MLXIPL: variants seen among roughly 807,000 people sequenced by gnomAD.
MLXIPL encodes carbohydrate-responsive element-binding protein.
A neutral mutation model predicts 81.5 loss-of-function variants in MLXIPL; 49 were observed. That is an observed-to-expected ratio of 0.60 (90% CI 0.48 to 0.76). MLXIPL has a LOEUF of 0.76. Ranked by LOEUF, MLXIPL falls within the 30% of genes least tolerant of loss-of-function variation. MLXIPL has a pLI of 0.00. For synonymous variants in MLXIPL, 466 were observed against 485.5 expected (o/e 0.96, Z 0.53); for missense variants, 1,053 against 1,167.0 (o/e 0.90, Z 1.42).
chr7:73,639,568 C>T, the MLXIPL span, among the ~76,000 whole-genome samples: 1 of 151,596 alleles, frequency 6.6e-6, no homozygotes, highest in East Asian at 1.9e-4. Flanking sequence ...CGTCTGAGCT[C>T]AGGAGTTCAA....
chr7:73,599,765 AGTGG>A, intron 7 of MLXIPL, 70 bp from the exon 8 acceptor site: 5 of 1,486,842 alleles, frequency 3.4e-6, no homozygotes, highest in African/African-American at 1.4e-5. Flanking sequence ...CTGAGAGGAG[AGTGG>A]CCTGTCCCCA....
chr7:73,647,043 G>A, the MLXIPL span, among the ~76,000 whole-genome samples: 2 of 152,182 alleles, frequency 1.3e-5, no homozygotes, highest in Non-Finnish European at 2.9e-5. Context: ...CCATGTCACG[G>A]AGGGAGAGCC....
intron 7 of MLXIPL, among the ~76,000 whole-genome samples, chr7:73,603,557 A>G (rs553664458): frequency 6.6e-6 from 1 of 152,128 alleles, no homozygotes; most frequent in East Asian, 1.9e-4. Flanking sequence ...CCCGCCCCAT[A>G]GGCCTCCACC....
chr7:73,634,151 A>G, the MLXIPL span, among the ~76,000 whole-genome samples: 1 of 152,162 alleles, frequency 6.6e-6, no homozygotes, highest in Non-Finnish European at 1.5e-5. Flanking sequence ...ACCATGAACG[A>G]AAATTGGATA....
intron 7 of MLXIPL, among the ~76,000 whole-genome samples, chr7:73,601,076 C>A (rs1339891603): frequency 5.3e-5 from 8 of 151,850 alleles, no homozygotes; most frequent in African/African-American, 1.7e-4. Flanking sequence ...ACCCCCCTGC[C>A]AGGAGAGCTG....
chr7:73,596,054 G>A lies in MLXIPL; in HGVS notation c.2059-85C>T, dbSNP rs1794264285. ...GAGGCACTGGGATGGGAGGAGGCAA[G>A]AGTGTCTGGAGCACTCCCCTGCAAT... On this transcript the variant is annotated intron_variant, in intron 13 of 16. Transcript: ENST00000313375. This position sits in a 1 kb window ranked among gnomAD's most constrained non-coding sequence, Gnocchi z 4.7. 6.3e-7 allele frequency: 1 copy of A among 1,599,794 alleles called. No homozygotes were observed. Among genetic ancestry groups the A allele is most frequent in the Non-Finnish European group, 8.5e-7 (1 of 1,176,122 alleles).
At chr7:73,614,849 C>G (rs1284135992) in intron 2 of MLXIPL, among the ~76,000 whole-genome samples, 3 of 143,296 alleles carry the variant, frequency 2.1e-5, no homozygotes. Flanking sequence ...CTCGCCCTGT[C>G]GCCCAGGCTG....
intron 1 of MLXIPL, among the ~76,000 whole-genome samples, chr7:73,621,231 C>T (rs1166648098): frequency 6.6e-6 from 1 of 151,868 alleles, no homozygotes; most frequent in Non-Finnish European, 1.5e-5. Flanking sequence ...CAAGGCCACT[C>T]TTCCTAAAGC....
At chr7:73,616,645 C>G (rs571154727) in intron 1 of MLXIPL, among the ~76,000 whole-genome samples, 1 of 151,964 alleles carries the variant, frequency 6.6e-6, no homozygotes, top group African/African-American at 2.4e-5. Flanking sequence ...GTCAGGAGTT[C>G]GAGACCAGCC....
chr7:73,621,117 A>C (rs958418818), intron 1 of MLXIPL, among the ~76,000 whole-genome samples: 1 of 151,942 alleles, frequency 6.6e-6, no homozygotes, highest in Non-Finnish European at 1.5e-5. Flanking sequence ...TGAGACTTAG[A>C]GAGGGGGTTG....
chr7:73,647,509 G>C, the MLXIPL span, among the ~76,000 whole-genome samples: 15 of 152,296 alleles, frequency 9.8e-5, no homozygotes, highest in South Asian at 1.7e-3. Context: ...TCCAGGACCC[G>C]TGTGCACTTC....
intron 7 of MLXIPL, among the ~76,000 whole-genome samples, chr7:73,604,443 C>T (rs1408228572): frequency 6.6e-5 from 10 of 151,490 alleles, no homozygotes; most frequent in Admixed American, 6.6e-5. Context: ...CATAATGGTG[C>T]GTGCCTGTGG....
In MLXIPL at chr7:73,597,733, G is replaced by C; in HGVS notation, c.1072-20C>G. On this transcript the variant is annotated intron_variant, in intron 8 of 16. Transcript: ENST00000313375. ...CCGAGCCTGGTTGGGGGGACAGACA[G>C]ACACTCAGAGAGCAGGGGAGAGAGC... 7.5e-7 allele frequency: 1 copy of C among 1,337,758 alleles called. No individual in the cohort carries two copies. The highest frequency in any genetic ancestry group is 9.5e-7 in the Non-Finnish European group (1 of 1,047,160). 82.9% of individuals were successfully genotyped at this position (1,337,758 alleles called of 1,614,324 possible).
At chr7:73,603,958 G>A (rs1011572112) in intron 7 of MLXIPL, among the ~76,000 whole-genome samples, 2 of 152,142 alleles carry the variant, frequency 1.3e-5, no homozygotes, top group Admixed American at 1.3e-4. Context: ...GCTCACACCC[G>A]TAATCCCAGC....
intron 15 of MLXIPL, among the ~76,000 whole-genome samples, chr7:73,594,916 G>A (rs1554593155): frequency 6.8e-6 from 1 of 146,412 alleles, no homozygotes; most frequent in African/African-American, 2.6e-5. Flanking sequence ...CACAATCTTG[G>A]CTCACTGCAA....
Position 73,596,303 on chromosome 7 carries a change from G to T in MLXIPL, c.1939-31C>A. The T allele has an allele frequency of 6.2e-7, 1 of 1,612,310 alleles. No homozygotes were observed. Among genetic ancestry groups the T allele is most frequent in the East Asian group, 2.2e-5 (1 of 44,780 alleles). On this transcript the variant is annotated intron_variant, in intron 12 of 16. Coordinates refer to ENST00000313375, the MANE Select transcript of MLXIPL (RefSeq NM_032951.3). The surrounding 1 kb of genome is among the most constrained non-coding windows in gnomAD (Gnocchi z 4.7). ...GGAGCAGAGAGTTGGGTGAGCCTAG[G>T]AAGGAGCCCAGGAGGGCCTGGGGGT...
upstream of MLXIPL, among the ~76,000 whole-genome samples, chr7:73,627,529 G>A (rs7785635): frequency 0.1 from 15,738 of 152,020 alleles, 1,174 homozygotes; most frequent in African/African-American, 0.21. Flanking sequence ...TATTACAGGC[G>A]TGAGCCACCG....
At chr7:73,599,258 C>A in intron 8 of MLXIPL, among the ~76,000 whole-genome samples, 1 of 151,732 alleles carries the variant, frequency 6.6e-6, no homozygotes, top group Middle Eastern at 3.2e-3. Flanking sequence ...AGAAACTCCC[C>A]TTCTCCAGGA....
intron 2 of MLXIPL, among the ~76,000 whole-genome samples, chr7:73,608,416 G>A (rs13246993): frequency 0.11 from 17,128 of 151,778 alleles, 1,012 homozygotes; most frequent in Non-Finnish European, 0.13. Flanking sequence ...GTGAAACCCC[G>A]TCTCCACTAA....
Sources: allele counts gnomAD v4.1 joint callset (sites outside exome capture counted in the v4.1 genomes callset), GRCh38; gene constraint gnomAD v4.1.1; non-coding constraint Gnocchi (gnomAD v3.1); transcripts MANE v1.5; gene names NCBI Gene and HGNC (gene_info 2026-07-23, HGNC 2026-07-21).